MEI4: variants seen among roughly 807,000 people sequenced by gnomAD.
The protein encoded by MEI4 is meiotic double-stranded break formation protein 4, also known as meiosis-specific protein MEI4.
A neutral mutation model predicts 31.4 loss-of-function variants in MEI4; 27 were observed. The observed-to-expected ratio is 0.86, with a 90% CI of 0.63 to 1.19. The LOEUF (loss-of-function observed/expected upper bound fraction) is 1.19. Among genes scored for constraint, MEI4 ranks in the 50% most tolerant of loss-of-function variants. MEI4 has a pLI of 0.00. For synonymous variants in MEI4, 122 were observed against 145.4 expected (o/e 0.84, Z 1.16); for missense variants, 329 against 398.9 (o/e 0.82, Z 1.49).
chr6:77,659,591 G>T (rs1286946549), intron 1 of MEI4, among the ~76,000 whole-genome samples: 3 of 152,148 alleles, frequency 2.0e-5, no homozygotes, highest in Non-Finnish European at 4.4e-5. Flanking sequence ...TTGGGGCTGG[G>T]TATAAGTAAA....
chr6:77,778,723 A>T (rs2127689514), intron 3 of MEI4, among the ~76,000 whole-genome samples: 1 of 151,538 alleles, frequency 6.6e-6, no homozygotes, highest in East Asian at 1.9e-4. Flanking sequence ...ATAAATAAAT[A>T]AATAAATAAA....
At position 77,676,819 on chromosome 6, in the gene MEI4, A is replaced by G. The variant is rs538895410; in HGVS notation, c.-14-13839A>G. ...CTTTTCTCTTTCCACCATTTCCCCC[A>G]TCACTATGGACTGTAAAAAAGCAAG... On this transcript the variant is annotated intron_variant, in intron 1 of 4. Coordinates refer to ENST00000684080, the MANE Select transcript of MEI4 (RefSeq NM_001322247.2). Among the ~76,000 whole-genome samples the G allele has an allele frequency of 3.3e-5, 5 of 152,220 alleles. No individual in the cohort carries two copies. The South Asian group carries it at 1.0e-3, about 32-fold the overall frequency.
At chr6:77,868,909 T>C (rs1771130060) in intron 4 of MEI4, among the ~76,000 whole-genome samples, 2 of 152,058 alleles carry the variant, frequency 1.3e-5, no homozygotes, top group South Asian at 4.2e-4. Flanking sequence ...AAGAGATTGG[T>C]AACTAGAAGA....
At chr6:77,913,687 G>C (rs1159019215) in intron 4 of MEI4, among the ~76,000 whole-genome samples, 1 of 149,148 alleles carries the variant, frequency 6.7e-6, no homozygotes, top group East Asian at 2.0e-4. Flanking sequence ...TTGTTTCCTT[G>C]GTTAGTCTAG....
chr6:77,905,811 T>A (rs933359386), intron 4 of MEI4, among the ~76,000 whole-genome samples: 5 of 151,084 alleles, frequency 3.3e-5, no homozygotes, highest in South Asian at 2.1e-4. Flanking sequence ...TTTTTTTTTT[T>A]AATAATATAA....
intron 3 of MEI4, among the ~76,000 whole-genome samples, chr6:77,768,971 C>T (rs1768242153): frequency 6.6e-6 from 1 of 152,078 alleles, no homozygotes; most frequent in Non-Finnish European, 1.5e-5. Context: ...TTGCTGTACC[C>T]CCTTTGCCTC....
chr6:77,822,822 C>T (rs529765220), intron 3 of MEI4, among the ~76,000 whole-genome samples: 61 of 152,034 alleles, frequency 4.0e-4, no homozygotes, highest in Non-Finnish European at 7.5e-4. Flanking sequence ...TGGGGTTTCG[C>T]CTTGTTAGCC....
At chr6:77,858,583 A>G (rs946548519) in intron 4 of MEI4, among the ~76,000 whole-genome samples, 1 of 152,252 alleles carries the variant, frequency 6.6e-6, no homozygotes, top group Middle Eastern at 3.4e-3. Context: ...ATGGTGTCCA[A>G]AAAGATCATG....
At chr6:77,662,136 G>A (rs1038379039) in intron 1 of MEI4, among the ~76,000 whole-genome samples, 23 of 152,308 alleles carry the variant, frequency 1.5e-4, no homozygotes, top group East Asian at 7.7e-4. Flanking sequence ...ATATTGACGC[G>A]TAGTCCTTTT....
At chr6:77,732,422 C>CTATGTTTG (rs1767029682) in intron 2 of MEI4, among the ~76,000 whole-genome samples, 2 of 151,878 alleles carry the variant, frequency 1.3e-5, no homozygotes, top group Non-Finnish European at 2.9e-5. Flanking sequence ...TGATTTGGCT[C>CTATGTTTG]TATGTTTGTC....
At chr6:77,864,999 T>C (rs956931523) in intron 4 of MEI4, among the ~76,000 whole-genome samples, 1 of 152,198 alleles carries the variant, frequency 6.6e-6, no homozygotes, top group East Asian at 1.9e-4. Context: ...CATAATGAAA[T>C]GAAGGCAGAA....
intron 2 of MEI4, among the ~76,000 whole-genome samples, chr6:77,734,978 C>G (rs1441325625): frequency 6.6e-6 from 1 of 152,010 alleles, no homozygotes; most frequent in Non-Finnish European, 1.5e-5. Flanking sequence ...TCTCTTCTGG[C>G]TTGTAGGGTT....
chr6:77,924,945 G>A lies in MEI4; in HGVS notation c.*1599G>A, dbSNP rs931384045. 9 of 151,870 alleles carry A rather than the reference G, an allele frequency of 5.9e-5. No homozygotes were observed. The highest frequency in any genetic ancestry group is 2.2e-4 in the African/African-American group (9 of 41,392). The allele number at this position is 151,870 out of a possible 1,614,324, so 9.4% of individuals were successfully genotyped here. A position where few individuals can be genotyped will look rare whatever the true frequency, so the allele number is the denominator to read the frequency against. On this transcript the variant is annotated 3_prime_UTR_variant, in exon 5 of 5. Transcript: ENST00000684080. The stretch of plus-strand genomic sequence containing the variant: ...AACAAGTACCAGTTGAATACAAGAA[G>A]TATATTCCAAATCTTGGATTAGGAG...
chr6:77,767,693 TCACACA>T (rs10612233), intron 3 of MEI4, among the ~76,000 whole-genome samples: 11 of 149,290 alleles, frequency 7.4e-5, no homozygotes, highest in African/African-American at 1.7e-4. Flanking sequence ...CAGGAAACTG[TCACACA>T]CACACACACA....
At chr6:77,831,408 C>T (rs1325346948) in intron 4 of MEI4, among the ~76,000 whole-genome samples, 5 of 151,220 alleles carry the variant, frequency 3.3e-5, no homozygotes, top group South Asian at 4.2e-4. Flanking sequence ...GGCTATGTAT[C>T]CAAAAGAAAG....
At chr6:77,743,104 G>A (rs963997792) in intron 2 of MEI4, among the ~76,000 whole-genome samples, 1 of 152,126 alleles carries the variant, frequency 6.6e-6, no homozygotes, top group Non-Finnish European at 1.5e-5. Context: ...GGCGATGCGG[G>A]CTCTTTTTTG....
chr6:77,761,570 TTA>T lies in MEI4; in HGVS notation c.675_676del (p.Leu225PhefsTer2), dbSNP rs1768046681. The T allele has an allele frequency of 8.1e-7, 1 of 1,231,594 alleles. No homozygotes were observed. The highest frequency in any genetic ancestry group is 1.6e-5 in the African/African-American group (1 of 64,414). The allele number at this position is 1,231,594 out of a possible 1,614,324, so 76.3% of individuals were successfully genotyped here. ...TLASLISDYN[L>X]SSHILKKCSK... ...AGCTAGTCTGATCAGTGACTATAAC[TTA>T]TCTAGTCATATTCTTAAAAAGTGTT... On this transcript the variant is annotated frameshift_variant, in exon 3 of 5. Coordinates refer to ENST00000684080, the MANE Select transcript of MEI4 (RefSeq NM_001322247.2). LOFTEE classifies it high-confidence loss of function.
At chr6:77,702,355 TTCTC>T (rs1377308970) in intron 2 of MEI4, among the ~76,000 whole-genome samples, 2 of 152,202 alleles carry the variant, frequency 1.3e-5, no homozygotes, top group Non-Finnish European at 2.9e-5. Context: ...GCGTAAGCAT[TTCTC>T]TCTCAGTTCC....
intron 4 of MEI4, among the ~76,000 whole-genome samples, chr6:77,861,108 A>G (rs956020031): frequency 6.6e-6 from 1 of 152,166 alleles, no homozygotes; most frequent in Non-Finnish European, 1.5e-5. Flanking sequence ...CTTCCCATCC[A>G]ATAATGGTCA....
Sources: allele counts gnomAD v4.1 joint callset (sites outside exome capture counted in the v4.1 genomes callset), GRCh38; gene constraint gnomAD v4.1.1; transcripts MANE v1.5; gene names NCBI Gene and HGNC (gene_info 2026-07-23, HGNC 2026-07-21).